ATF7IP2: variants seen among roughly 807,000 people sequenced by gnomAD.
ATF7IP2 encodes the protein activating transcription factor 7-interacting protein 2.
ATF7IP2 carries 42 observed loss-of-function variants against 64.2 expected under a neutral mutation model. That is an observed-to-expected ratio of 0.65 (90% CI 0.51 to 0.85). The LOEUF is 0.85. ATF7IP2 is among the 40% of genes least tolerant of loss of function. The probability of loss-of-function intolerance (pLI) is 0.00; values close to 1 mark genes in which losing one functional copy is unlikely to be tolerated. For missense variants in ATF7IP2, 933 were observed against 784.2 expected (o/e 1.19, Z -2.27); for synonymous variants, 308 against 272.8 (o/e 1.13, Z -1.27).
chr16:10,413,621 A>G (rs2047814884), intron 1 of ATF7IP2, among the ~76,000 whole-genome samples: 1 of 152,070 alleles, frequency 6.6e-6, no homozygotes, highest in African/African-American at 2.4e-5. Context: ...TTTTTGCTTT[A>G]TAGGTCCTAT....
chr16:10,475,722 GAAAA>G (rs386384218), intron 12 of ATF7IP2, among the ~76,000 whole-genome samples: 2 of 41,634 alleles, frequency 4.8e-5, no homozygotes, highest in Non-Finnish European at 8.0e-5. Flanking sequence ...TAAGAAGCCA[GAAAA>G]AAAAAAAAAA....
intron 6 of ATF7IP2, among the ~76,000 whole-genome samples, chr16:10,435,967 T>C (rs1010418213): frequency 3.3e-5 from 5 of 152,226 alleles, no homozygotes; most frequent in East Asian, 1.9e-4. Flanking sequence ...CCAAGATTCA[T>C]GTGGGTATGA....
intron 1 of ATF7IP2, among the ~76,000 whole-genome samples, chr16:10,414,139 C>A (rs554057201): frequency 6.6e-6 from 1 of 152,268 alleles, no homozygotes; most frequent in South Asian, 2.1e-4. Context: ...TTTAACAAGG[C>A]CCGGGAAGTT....
chr16:10,457,274 C>T (rs2049202134), intron 8 of ATF7IP2, 98 bp from the exon 9 acceptor site: 2 of 986,398 alleles, frequency 2.0e-6, no homozygotes, highest in African/African-American at 3.4e-5. Context: ...TATGTTTTGC[C>T]ATATGTATGC....
intron 9 of ATF7IP2, among the ~76,000 whole-genome samples, chr16:10,466,553 T>A (rs1376996881): frequency 1.3e-5 from 2 of 152,206 alleles, no homozygotes; most frequent in Non-Finnish European, 2.9e-5. Flanking sequence ...TCTTTCTTTT[T>A]AGCCATACTG....
At chr16:10,408,173 G>A (rs768875887) in intron 1 of ATF7IP2, among the ~76,000 whole-genome samples, 2 of 152,174 alleles carry the variant, frequency 1.3e-5, no homozygotes, top group Non-Finnish European at 2.9e-5. Flanking sequence ...GCCTCCCAAA[G>A]TGCTGGGATT....
intron 1 of ATF7IP2, among the ~76,000 whole-genome samples, chr16:10,414,042 T>C (rs753868513): frequency 6.6e-5 from 10 of 152,244 alleles, no homozygotes; most frequent in Non-Finnish European, 1.5e-4. Flanking sequence ...CTTTAGATAA[T>C]CTGATGCCAG....
chr16:10,422,781 C>T (rs956543236), intron 3 of ATF7IP2, among the ~76,000 whole-genome samples: 1 of 152,230 alleles, frequency 6.6e-6, no homozygotes, highest in Non-Finnish European at 1.5e-5. Flanking sequence ...TCCAAATCCT[C>T]CTGTTCGTTT....
intron 1 of ATF7IP2, among the ~76,000 whole-genome samples, chr16:10,391,742 C>T (rs1368050695): frequency 6.6e-6 from 1 of 151,806 alleles, no homozygotes; most frequent in Non-Finnish European, 1.5e-5. Context: ...TACTAAAATA[C>T]AAAAATTAGC....
chr16:10,430,937 A>G lies in ATF7IP2; in HGVS notation c.317A>G (p.Glu106Gly). The change falls in exon 5 of 14, where the codon GAA becomes GGA. Residue 106 changes from glutamate to glycine, a missense_variant. Physicochemically the swap from Glu to Gly is moderately conservative, Grantham distance 98. Transcript: ENST00000562102. Reference protein sequence around the residue: ...IKPVEEIVHSETKLEQVVCSY... With the variant: ...IKPVEEIVHSGTKLEQVVCSY... ...CCAGTAGAAGAAATTGTTCATTCAG[A>G]AACAAAATTGGAACAAGTTGTTTGT... The G allele has an allele frequency of 6.2e-7, 1 of 1,614,100 alleles. No homozygotes were observed. The highest frequency in any genetic ancestry group is 8.5e-7 in the Non-Finnish European group (1 of 1,180,042).
intron 1 of ATF7IP2, among the ~76,000 whole-genome samples, chr16:10,395,360 A>G (rs917217004): frequency 1.3e-5 from 2 of 152,186 alleles, no homozygotes; most frequent in Admixed American, 1.3e-4. Flanking sequence ...TTATTAGTAA[A>G]TTCTACCAAA....
chr16:10,463,788 A>G (rs912754264), intron 9 of ATF7IP2, among the ~76,000 whole-genome samples: 1 of 152,246 alleles, frequency 6.6e-6, no homozygotes, highest in Non-Finnish European at 1.5e-5. Context: ...ATACAATACA[A>G]TATTTCAATC....
chr16:10,464,258 T>C (rs2049478632), intron 9 of ATF7IP2, among the ~76,000 whole-genome samples: 1 of 152,196 alleles, frequency 6.6e-6, no homozygotes, highest in South Asian at 2.1e-4. Flanking sequence ...TTTTTAAATG[T>C]TTAAAAACAT....
rs1337362073 is a variant in ATF7IP2, at chr16:10,431,043, T to C, written c.423T>C (p.Ser141=). The part of the protein sequence containing the change: ...TEEAKDSLNT[S]ENDSEHQTNV... Reference sequence around the variant, plus strand: ...AGGCAAAAGATTCACTGAACACTTCTGAAAACGATTCTGAGCATCAGACAA... The same window carrying C: ...AGGCAAAAGATTCACTGAACACTTCCGAAAACGATTCTGAGCATCAGACAA... Residue 141 remains serine (S), a synonymous_variant, in exon 5 of 14, where the codon TCT becomes TCC. Transcript: ENST00000562102. 6.2e-7 allele frequency: 1 copy of C among 1,614,198 alleles called. No individual in the cohort carries two copies. Among genetic ancestry groups the C allele is most frequent in the South Asian group, 1.1e-5 (1 of 91,082 alleles).
chr16:10,480,678 G>A (rs938888036), intron 12 of ATF7IP2, among the ~76,000 whole-genome samples: 5 of 149,770 alleles, frequency 3.3e-5, no homozygotes, highest in African/African-American at 4.9e-5. Context: ...TACCTTAAGG[G>A]GAATTTTTGT....
chr16:10,463,087 A>G (rs1010931584), intron 9 of ATF7IP2, among the ~76,000 whole-genome samples: 3 of 152,150 alleles, frequency 2.0e-5, no homozygotes, highest in Non-Finnish European at 4.4e-5. Flanking sequence ...TTTCAGATCT[A>G]TTTCTGATGA....
intron 2 of ATF7IP2, 32 bp from the exon 3 acceptor site, chr16:10,419,549 C>T (rs2047950188): frequency 6.5e-6 from 1 of 153,138 alleles, no homozygotes; most frequent in African/African-American, 2.4e-5. Context: ...CATTAAATTA[C>T]TCATTGTGAT....
chr16:10,464,936 T>G (rs563327001), intron 9 of ATF7IP2, among the ~76,000 whole-genome samples: 1 of 152,332 alleles, frequency 6.6e-6, no homozygotes, highest in East Asian at 1.9e-4. Context: ...GTTTAGGTGA[T>G]TCTTCCGCCT....
At chr16:10,454,225 A>G (rs1408427440) in intron 8 of ATF7IP2, 1 of 151,678 alleles carries the variant, frequency 6.6e-6, no homozygotes, top group Non-Finnish European at 1.5e-5. Context: ...CCTTGCTAAC[A>G]CGGTGAAACC....
Sources: allele counts gnomAD v4.1 joint callset (sites outside exome capture counted in the v4.1 genomes callset), GRCh38; gene constraint gnomAD v4.1.1; transcripts MANE v1.5; gene names NCBI Gene and HGNC (gene_info 2026-07-23, HGNC 2026-07-21).